Variants in ZNF552 observed in about 807,000 individuals in gnomAD.
ZNF552 encodes zinc finger protein 552.
Under a neutral mutation model 7.2 loss-of-function variants are expected in ZNF552, and 2 were observed. The ratio of observed to expected loss-of-function variants is 0.28; its 90% CI spans 0.11 to 0.88. The LOEUF (loss-of-function observed/expected upper bound fraction) is 0.88, where lower values mean the gene tolerates loss of function less well. Ranked by LOEUF, ZNF552 falls within the 40% of genes least tolerant of loss-of-function variation. ZNF552 has a pLI of 0.60. For synonymous variants in ZNF552, 173 were observed against 176.5 expected (o/e 0.98, Z 0.16); for missense variants, 421 against 493.4 (o/e 0.85, Z 1.39).
chr19:57,813,079 C>T lies in ZNF552; in HGVS notation c.160+215G>A, dbSNP rs551144115. 5.0e-4 allele frequency: 352 copies of T among 700,096 alleles called. No homozygotes were observed. The African/African-American group carries it at 5.9e-3, about 12-fold the overall frequency. The allele number at this position is 700,096 out of a possible 1,614,324, so 43.4% of individuals were successfully genotyped here. On this transcript the variant is annotated intron_variant, in intron 2 of 2. Transcript: ENST00000391701. Reference sequence around the variant, plus strand: ...AGCCTGCATTAAGTTGCCTGTAAGACTTCTGACTCTGAATTCTTCCCTGGG... The same window carrying T: ...AGCCTGCATTAAGTTGCCTGTAAGATTTCTGACTCTGAATTCTTCCCTGGG...
intron 2 of ZNF552, among the ~76,000 whole-genome samples, chr19:57,812,043 A>AAT (rs1987868536): frequency 6.7e-6 from 1 of 149,376 alleles, no homozygotes. Context: ...AAAAAAAAAA[A>AAT]AAAAAAAATT....
chr19:57,808,740 C>T lies in ZNF552; in HGVS notation c.524G>A (p.Gly175Glu). The T allele has an allele frequency of 1.9e-6, 3 of 1,614,094 alleles. No individual in the cohort carries two copies. In the South Asian group the frequency reaches 3.3e-5, roughly 18 times the overall value. The change falls in exon 3 of 3, where the codon GGG becomes GAG. Residue 175 changes from glycine (G) to glutamate (E), a missense_variant. Physicochemically the swap from Gly to Glu is moderately conservative, Grantham distance 98 (BLOSUM62 -2). Transcript: ENST00000391701. ...TCCTGACCTGAGCAAAAAGTCTTTCCCACTCTCACTGAAGACAGATGACTC... is the reference window on the plus strand; with the variant it reads ...TCCTGACCTGAGCAAAAAGTCTTTCTCACTCTCACTGAAGACAGATGACTC... ...SGESSVFSES[G>E]KDFLLRSGLL...
In ZNF552 at chr19:57,811,931, A is replaced by G. The variant is rs1987866060; in HGVS notation, c.160+1363T>C. On this transcript the variant is annotated intron_variant, in intron 2 of 2. Coordinates refer to ENST00000391701, the MANE Select transcript of ZNF552 (RefSeq NM_024762.3). ...GTAGTCCCAGCTACTTGGGAGGCTG[A>G]GGCAGAAGAATTGCTTGAACCTGGG... Among the ~76,000 whole-genome samples, 5 of 147,162 alleles carry G rather than the reference A, an allele frequency of 3.4e-5. No homozygotes were observed. The South Asian group carries it at 1.1e-3, about 32-fold the overall frequency.
At chr19:57,813,015 T>G in intron 2 of ZNF552, 3 of 478,398 alleles carry the variant, frequency 6.3e-6, no homozygotes, top group East Asian at 3.2e-5. Context: ...ACCTGAAATC[T>G]GGATGAAATC....
At position 57,808,228 on chromosome 19, in the gene ZNF552, G is replaced by C; in HGVS notation, c.1036C>G (p.His346Asp). The C allele has an allele frequency of 6.2e-7, 1 of 1,614,170 alleles. No individual in the cohort carries two copies. The highest frequency in any genetic ancestry group is 8.5e-7 in the Non-Finnish European group (1 of 1,180,020). The change falls in exon 3 of 3, where the codon CAC (histidine) becomes GAC (aspartate). Residue 346 changes from histidine (H) to aspartate (D), a missense_variant. This residue lies in a region of ZNF552 where 299 missense variants were observed against 293.7 expected (regional missense o/e 1.02). Transcript: ENST00000391701. ...SSTFRVHKRV[H>D]TGQKPYECSE... The stretch of plus-strand genomic sequence containing the variant: ...CACTCATAAGGCTTCTGACCAGTGT[G>C]AACTCTCTTATGAACACGGAATGTA...
Position 57,814,850 on chromosome 19 carries a change from C to G in ZNF552, c.-107G>C. 1 of 1,194,826 alleles carries G rather than the reference C, an allele frequency of 8.4e-7. No individual in the cohort carries two copies. Among genetic ancestry groups the G allele is most frequent in the Admixed American group, 2.5e-5 (1 of 40,120 alleles). 74.0% of individuals were successfully genotyped at this position (1,194,826 alleles called of 1,614,324 possible). Reference sequence around the variant, plus strand: ...CGACTCTCGACCTCCTGGATCCAGTCACCACCACGGTCCCAACACAGCGCT... The same window carrying G: ...CGACTCTCGACCTCCTGGATCCAGTGACCACCACGGTCCCAACACAGCGCT... On this transcript the variant is annotated 5_prime_UTR_variant, in exon 1 of 3. Transcript: ENST00000391701.
Position 57,814,800 on chromosome 19 carries a change from A to C in ZNF552, c.-57T>G. ...AGCGGGCGCCGTTAAAGAGCTGCAG[A>C]GTCACGTCTGTGCAAAGAGAAGAAC... On this transcript the variant is annotated 5_prime_UTR_variant, in exon 1 of 3. Coordinates refer to ENST00000391701, the MANE Select transcript of ZNF552 (RefSeq NM_024762.3). The C allele has an allele frequency of 6.5e-7, 1 of 1,545,924 alleles. No individual in the cohort carries two copies. Among genetic ancestry groups the C allele is most frequent in the Non-Finnish European group, 8.9e-7 (1 of 1,125,692 alleles).
chr19:57,812,857 C>T (rs1472356051), intron 2 of ZNF552, among the ~76,000 whole-genome samples: 1 of 152,206 alleles, frequency 6.6e-6, no homozygotes, highest in African/African-American at 2.4e-5. Context: ...GCATGAGCCA[C>T]TGCACCAGAC....
rs1337351720 is a variant in ZNF552, at chr19:57,809,449, C to G, written c.161-346G>C. Reference sequence around the variant, plus strand: ...TTGTCCAGGCCAAGGAAAACACAAGCACAACACAGCAGCTTCTGCTTGAGG... The same window carrying G: ...TTGTCCAGGCCAAGGAAAACACAAGGACAACACAGCAGCTTCTGCTTGAGG... On this transcript the variant is annotated intron_variant, in intron 2 of 2. Coordinates refer to ENST00000391701, the MANE Select transcript of ZNF552 (RefSeq NM_024762.3). 5.3e-5 allele frequency among the ~76,000 whole-genome samples: 8 copies of G among 152,238 alleles called. No homozygotes were observed. The East Asian group carries it at 1.5e-3, about 29-fold the overall frequency.
intron 2 of ZNF552, 43 bp downstream of exon 2, chr19:57,813,251 C>T (rs771011113): frequency 6.2e-6 from 10 of 1,609,800 alleles, no homozygotes; most frequent in Non-Finnish European, 7.6e-6. Context: ...GGGGGAAAGA[C>T]AGAGACTAGC....
In ZNF552 at chr19:57,808,408, G is replaced by A. The variant is rs770634570; in HGVS notation, c.856C>T (p.His286Tyr). 16 of 1,613,664 alleles carry A rather than the reference G, an allele frequency of 9.9e-6. No individual in the cohort carries two copies. The highest frequency in any genetic ancestry group is 1.4e-5 in the Non-Finnish European group (16 of 1,179,836). ...LFNSKSHLLV[H>Y]QRIHTGEKPY... ...TTCTCTCCAGTGTGAATTCTCTGGT[G>A]TACAAGGAGGTGGGACTTACTGTTA... Residue 286 changes from histidine to tyrosine, a missense_variant, in exon 3 of 3, where the codon CAC (histidine) becomes TAC (tyrosine). By Grantham distance (83) the His-to-Tyr change is moderately conservative. Transcript: ENST00000391701.
At chr19:57,810,545 A>G (rs1987834375) in intron 2 of ZNF552, among the ~76,000 whole-genome samples, 1 of 152,218 alleles carries the variant, frequency 6.6e-6, no homozygotes, top group Admixed American at 6.5e-5. Flanking sequence ...TTGTTAAACA[A>G]GTGCTTCAAG....
chr19:57,813,666 G>C (rs549616115), intron 1 of ZNF552, among the ~76,000 whole-genome samples: 1 of 151,246 alleles, frequency 6.6e-6, no homozygotes, highest in African/African-American at 2.4e-5. Context: ...TAGTATGGCC[G>C]AGGTCATGGA....
At chr19:57,810,707 C>CAGTAAAGGGCTGACCT (rs1987838047) in intron 2 of ZNF552, among the ~76,000 whole-genome samples, 1 of 152,036 alleles carries the variant, frequency 6.6e-6, no homozygotes, top group South Asian at 2.1e-4. Context: ...CCTGACAGCC[C>CAGTAAAGGGCTGACCT]GACGCCAGTA....
Position 57,808,031 on chromosome 19 carries a change from T to A in ZNF552, c.*9A>T, listed in dbSNP as rs761055882. On this transcript the variant is annotated 3_prime_UTR_variant, in exon 3 of 3. Coordinates refer to ENST00000391701, the MANE Select transcript of ZNF552 (RefSeq NM_024762.3). ...TCTCCAATATTTAATGAGACTGGAC[T>A]CACTGCACTCATAAGCCCTTTCTTT... 3 of 1,595,182 alleles carry A rather than the reference T, an allele frequency of 1.9e-6. No individual in the cohort carries two copies. The highest frequency in any genetic ancestry group is 2.6e-6 in the Non-Finnish European group (3 of 1,170,696).
intron 2 of ZNF552, among the ~76,000 whole-genome samples, chr19:57,811,715 C>CAAAAAA (rs1162967437): frequency 6.0e-4 from 30 of 49,674 alleles, no homozygotes; most frequent in Non-Finnish European, 6.7e-4. Context: ...AACTCCATCT[C>CAAAAAA]AAAAAAAAAA....
rs930736962 is a variant in ZNF552 at position 57,814,797 on chromosome 19, C to T, written c.-54G>A. On this transcript the variant is annotated 5_prime_UTR_variant, in exon 1 of 3. Coordinates refer to ENST00000391701, the MANE Select transcript of ZNF552 (RefSeq NM_024762.3). The stretch of plus-strand genomic sequence containing the variant: ...AGCAGCGGGCGCCGTTAAAGAGCTG[C>T]AGAGTCACGTCTGTGCAAAGAGAAG... 25 of 1,561,846 alleles carry T rather than the reference C, an allele frequency of 1.6e-5. No homozygotes were observed. The Middle Eastern group carries it at 5.0e-4, about 31-fold the overall frequency.
intron 2 of ZNF552, 120 bp from the exon 3 acceptor site, chr19:57,809,223 T>A: frequency 6.3e-7 from 1 of 1,593,684 alleles, no homozygotes; most frequent in Non-Finnish European, 8.6e-7. Flanking sequence ...AGGAACAGGA[T>A]GTTGGCTTCA....
chr19:57,810,099 G>C (rs1987824522), intron 2 of ZNF552, among the ~76,000 whole-genome samples: 1 of 151,828 alleles, frequency 6.6e-6, no homozygotes. Context: ...GACAGTGTGA[G>C]AACCTGTCTC....
Sources: gnomAD v4.1 joint callset for allele counts (sites outside exome capture counted in the v4.1 genomes callset) on GRCh38, gnomAD v4.1.1 for gene constraint, gnomAD v4.1.1 regional missense constraint, MANE v1.5 for transcripts, NCBI Gene and HGNC (gene_info 2026-07-23, HGNC 2026-07-21) for gene names.